Variants in PTPRT observed in about 807,000 individuals in gnomAD.
The protein encoded by PTPRT is receptor-type tyrosine-protein phosphatase T.
PTPRT carries 56 observed loss-of-function variants against 176.8 expected under a neutral mutation model. That is an observed-to-expected ratio of 0.32 (90% confidence interval 0.26 to 0.40). PTPRT has a LOEUF of 0.40. PTPRT is among the 10% of genes least tolerant of loss of function. The probability of loss-of-function intolerance (pLI) is 1.00; values close to 1 mark genes in which losing one functional copy is unlikely to be tolerated. For missense variants in PTPRT, 1,540 were observed against 1,908.2 expected, an observed-to-expected ratio of 0.81 and a Z score of 3.60; for synonymous variants, 783 against 739.0, an observed-to-expected ratio of 1.06 and a Z score of -0.96.
At chr20:42,910,233 T>C (rs1336605840) in intron 1 of PTPRT, among the ~76,000 whole-genome samples, 1 of 152,150 alleles carries the variant, frequency 6.6e-6, no homozygotes, top group Non-Finnish European at 1.5e-5. Context: ...CACCCTGATT[T>C]CCTCCTATGA....
chr20:43,189,569 G>A lies in PTPRT; in HGVS notation c.88+77C>T. On this transcript the variant is annotated intron_variant, in intron 1 of 30. Transcript: ENST00000373187. This position sits in a 1 kb window ranked among gnomAD's most constrained non-coding sequence, Gnocchi z 5.0. ...GCGAGCCCACACAACTTTCTCCTCC[G>A]AGGGCCCCGCGGCTGGGGGCCCGCG... 1 of 997,294 alleles carries A rather than the reference G, an allele frequency of 1.0e-6. No individual in the cohort carries two copies. Among genetic ancestry groups the A allele is most frequent in the Non-Finnish European group, 1.3e-6 (1 of 785,858 alleles). 61.8% of individuals were successfully genotyped at this position (997,294 alleles called of 1,614,324 possible). A position where few individuals can be genotyped will look rare whatever the true frequency, so the allele number is the denominator to read the frequency against.
At chr20:42,700,172 A>T (rs542519639) in intron 6 of PTPRT, among the ~76,000 whole-genome samples, 7 of 152,300 alleles carry the variant, frequency 4.6e-5, no homozygotes, top group Admixed American at 6.5e-5. Flanking sequence ...TCAGAAAATT[A>T]TCTCTGACAA....
chr20:42,905,820 G>GA (rs2079468813), intron 1 of PTPRT, among the ~76,000 whole-genome samples: 1 of 144,126 alleles, frequency 6.9e-6, no homozygotes, highest in Non-Finnish European at 1.5e-5. Flanking sequence ...CACAGGAACA[G>GA]AAAACCAAAC....
chr20:42,205,538 C>G (rs2055433661), intron 15 of PTPRT, among the ~76,000 whole-genome samples: 1 of 152,070 alleles, frequency 6.6e-6, no homozygotes, highest in Admixed American at 6.5e-5. Flanking sequence ...GGTGGAGGAT[C>G]CCAGGATTTG....
chr20:43,114,737 C>T (rs1539034), intron 1 of PTPRT, among the ~76,000 whole-genome samples: 110,018 of 151,960 alleles, frequency 0.72, 43,502 homozygotes, highest in Non-Finnish European at 0.86. Flanking sequence ...AAATGGCTTA[C>T]GTTCTGAGCC....
the PTPRT span, among the ~76,000 whole-genome samples, chr20:42,065,491 G>A: frequency 6.6e-6 from 1 of 152,144 alleles, no homozygotes; most frequent in African/African-American, 2.4e-5. Context: ...TACACACAAC[G>A]TTCTGGGAGT....
At chr20:42,227,395 G>C (rs1260705551) in intron 15 of PTPRT, among the ~76,000 whole-genome samples, 2 of 152,078 alleles carry the variant, frequency 1.3e-5, no homozygotes, top group East Asian at 3.9e-4. Flanking sequence ...AGTTCTGAAG[G>C]GGGGCTGTTA....
At chr20:42,218,931 C>G (rs1209549777) in intron 15 of PTPRT, among the ~76,000 whole-genome samples, 1 of 152,230 alleles carries the variant, frequency 6.6e-6, no homozygotes, top group African/African-American at 2.4e-5. Context: ...AGACAACAGA[C>G]AGCCGGTGGG....
At chr20:42,403,107 TCC>T (rs1350157245) in intron 9 of PTPRT, among the ~76,000 whole-genome samples, 1 of 152,106 alleles carries the variant, frequency 6.6e-6, no homozygotes, top group Non-Finnish European at 1.5e-5. Flanking sequence ...ATGTGTTACC[TCC>T]CCCCTTTTCT....
At chr20:42,883,990 T>C (rs116810245) in intron 2 of PTPRT, among the ~76,000 whole-genome samples, 12 of 115,190 alleles carry the variant, frequency 1.0e-4, no homozygotes, top group African/African-American at 3.9e-4. Flanking sequence ...TACACACACG[T>C]ATACACACTA....
chr20:42,430,905 C>T (rs1458375382), intron 9 of PTPRT, among the ~76,000 whole-genome samples: 3 of 152,178 alleles, frequency 2.0e-5, no homozygotes, highest in Non-Finnish European at 4.4e-5. Flanking sequence ...AAAAACTCAA[C>T]ACAATACTTA....
At chr20:43,000,825 A>C (rs1984518803) in intron 1 of PTPRT, among the ~76,000 whole-genome samples, 1 of 152,222 alleles carries the variant, frequency 6.6e-6, no homozygotes, top group Non-Finnish European at 1.5e-5. Flanking sequence ...CATAATCTTA[A>C]AGAAAGTCTA....
chr20:42,490,518 G>T (rs573534333), intron 7 of PTPRT, among the ~76,000 whole-genome samples: 1 of 152,076 alleles, frequency 6.6e-6, no homozygotes, highest in Non-Finnish European at 1.5e-5. Flanking sequence ...ATTATTGCTG[G>T]TGTACAGACA....
intron 2 of PTPRT, among the ~76,000 whole-genome samples, chr20:42,861,167 C>A (rs2078653858): frequency 6.6e-6 from 1 of 152,130 alleles, no homozygotes; most frequent in South Asian, 2.1e-4. Flanking sequence ...TCAAGCAATC[C>A]CTTAACACTT....
At chr20:42,163,281 C>A (rs2146511567) in intron 16 of PTPRT, among the ~76,000 whole-genome samples, 1 of 152,186 alleles carries the variant, frequency 6.6e-6, no homozygotes, top group East Asian at 1.9e-4. Flanking sequence ...AAAGGAGAGA[C>A]TGTCCTTTGG....
chr20:42,748,578 C>T (rs955235559), intron 6 of PTPRT, among the ~76,000 whole-genome samples: 1 of 152,130 alleles, frequency 6.6e-6, no homozygotes, highest in Non-Finnish European at 1.5e-5. Context: ...CTGTAGGATC[C>T]CTGTAGCAGA....
chr20:42,543,614 G>A (rs2867485), intron 7 of PTPRT, among the ~76,000 whole-genome samples: 56,022 of 151,278 alleles, frequency 0.37, 10,405 homozygotes, highest in Admixed American at 0.41. Flanking sequence ...AATCATGAAT[G>A]TCCTTAATGG....
intron 14 of PTPRT, among the ~76,000 whole-genome samples, chr20:42,243,022 GGAGGCA>G (rs976542458): frequency 6.1e-5 from 9 of 148,648 alleles, no homozygotes; most frequent in African/African-American, 1.0e-4. Flanking sequence ...TGGAGGAAGA[GGAGGCA>G]GAGGCAGAGG....
intron 27 of PTPRT, among the ~76,000 whole-genome samples, chr20:42,096,174 C>T (rs966602554): frequency 6.6e-6 from 1 of 152,220 alleles, no homozygotes; most frequent in African/African-American, 2.4e-5. Flanking sequence ...ATTGTCTACA[C>T]ATTTGCAACA....
Sources: gnomAD v4.1 joint callset for allele counts (sites outside exome capture counted in the v4.1 genomes callset) on GRCh38, gnomAD v4.1.1 for gene constraint, Gnocchi (gnomAD v3.1) non-coding constraint, MANE v1.5 for transcripts, NCBI Gene and HGNC (gene_info 2026-07-23, HGNC 2026-07-21) for gene names.